The following LRP1B variants were observed in gnomAD, a reference collection of about 807,000 sequenced individuals.
LRP1B encodes the protein LDL receptor related protein 1B, also known as low-density lipoprotein receptor-related protein 1B.
LRP1B carries 217 observed loss-of-function variants against 556.6 expected under a neutral mutation model. The observed-to-expected ratio is 0.39, with a 90% CI of 0.35 to 0.44. LRP1B has a LOEUF of 0.44. Ranked by LOEUF, LRP1B falls within the 20% of genes least tolerant of loss-of-function variation. The pLI is 1.00. For synonymous variants in LRP1B, 2,047 were observed against 1,865.8 expected, an observed-to-expected ratio of 1.10 and a Z score of -2.50; for missense variants, 5,053 against 5,620.8, an observed-to-expected ratio of 0.90 and a Z score of 3.23.
chr2:141,108,658 G>A (rs1700672952), intron 7 of LRP1B, among the ~76,000 whole-genome samples: 1 of 151,952 alleles, frequency 6.6e-6, no homozygotes, highest in African/African-American at 2.4e-5. Flanking sequence ...CCAAAAATGT[G>A]TTTATAATCT....
At chr2:142,110,944 C>A (rs1706965647) in intron 1 of LRP1B, among the ~76,000 whole-genome samples, 2 of 152,224 alleles carry the variant, frequency 1.3e-5, no homozygotes, top group South Asian at 4.1e-4. Flanking sequence ...CAACTTTGGA[C>A]AAATGCAACC....
chr2:141,475,131 T>C (rs925905603), intron 3 of LRP1B, among the ~76,000 whole-genome samples: 3 of 152,052 alleles, frequency 2.0e-5, no homozygotes, highest in Non-Finnish European at 2.9e-5. Context: ...CCAAGCACTG[T>C]GGGAGGCAAC....
Position 140,501,774 on chromosome 2 carries a change from A to G in LRP1B, c.8763T>C (p.Asp2921=), listed in dbSNP as rs777774729. The change falls in exon 55 of 91, where the codon GAT becomes GAC. Residue 2921 remains aspartate, a synonymous_variant. Coordinates refer to ENST00000389484, the MANE Select transcript of LRP1B (RefSeq NM_018557.3). ...ATTCATTTATATGGCAGTTTCTCTC[A>G]TCTGAACCATCGCCACAGTCATCCT... ...DNKDDCGDGS[D]ERNCHINECL... is the part of the protein sequence containing the mutation. 1 of 1,613,036 alleles carries G rather than the reference A, an allele frequency of 6.2e-7. No individual in the cohort carries two copies. The highest frequency in any genetic ancestry group is 1.1e-5 in the South Asian group (1 of 90,998).
intron 31 of LRP1B, among the ~76,000 whole-genome samples, chr2:140,825,191 G>C (rs187158427): frequency 6.6e-6 from 1 of 152,250 alleles, no homozygotes; most frequent in East Asian, 1.9e-4. Context: ...ATAGGAGTGA[G>C]TGAACTAAAC....
At chr2:140,678,424 A>G (rs1419952608) in intron 41 of LRP1B, among the ~76,000 whole-genome samples, 3 of 152,132 alleles carry the variant, frequency 2.0e-5, no homozygotes, top group Admixed American at 1.3e-4. Context: ...TGTAGTTTTC[A>G]TTTCTTATCT....
At chr2:141,130,553 A>C (rs1432568734) in intron 7 of LRP1B, among the ~76,000 whole-genome samples, 1 of 152,082 alleles carries the variant, frequency 6.6e-6, no homozygotes. Flanking sequence ...AGATGTGTAA[A>C]TTTTACCCCA....
chr2:141,639,876 C>T (rs986493096), intron 2 of LRP1B, among the ~76,000 whole-genome samples: 6 of 152,092 alleles, frequency 3.9e-5, no homozygotes, highest in Admixed American at 2.6e-4. Context: ...TTACAAATGA[C>T]ATTGCTACAA....
chr2:141,421,186 G>A (rs1212525721), intron 3 of LRP1B, among the ~76,000 whole-genome samples: 6 of 152,152 alleles, frequency 3.9e-5, no homozygotes, highest in East Asian at 1.9e-4. Flanking sequence ...TGCTGATATC[G>A]CTTCTGGAGT....
At position 140,370,704 on chromosome 2, in the gene LRP1B, C is replaced by A. The variant is rs749286394; in HGVS notation, c.11008+6G>T. ...TTACAGGCACACACACACAAAAATA[C>A]CTTACCTCTTTCACAGTTCTCTTCA... On this transcript the variant is annotated splice_donor_region_variant and intron_variant, in intron 71 of 90. Transcript: ENST00000389484. 108 of 1,611,982 alleles carry A rather than the reference C, an allele frequency of 6.7e-5. 4 individuals are homozygous for A. The South Asian group carries it at 9.8e-4, about 15-fold the overall frequency.
intron 3 of LRP1B, among the ~76,000 whole-genome samples, chr2:141,354,513 A>G (rs1688555357): frequency 6.6e-6 from 1 of 152,098 alleles, no homozygotes; most frequent in Non-Finnish European, 1.5e-5. Context: ...TTAAAGCAAC[A>G]CATTCACAAA....
chr2:140,565,479 G>A (rs1681092952), intron 43 of LRP1B, among the ~76,000 whole-genome samples: 1 of 151,850 alleles, frequency 6.6e-6, no homozygotes, highest in South Asian at 2.1e-4. Flanking sequence ...CTCATTATAT[G>A]GGAAGTTTTA....
intron 1 of LRP1B, among the ~76,000 whole-genome samples, chr2:141,922,270 G>T (rs1027707236): frequency 6.6e-6 from 1 of 152,030 alleles, no homozygotes; most frequent in Admixed American, 6.6e-5. Flanking sequence ...CACAGAACTC[G>T]CCATGTAAGC....
chr2:140,600,970 A>G (rs1318195877), intron 42 of LRP1B, among the ~76,000 whole-genome samples: 2 of 151,548 alleles, frequency 1.3e-5, no homozygotes, highest in Non-Finnish European at 2.9e-5. Context: ...ACTATTATCA[A>G]GCACCTAGTG....
chr2:141,048,883 G>A, intron 11 of LRP1B, 103 bp downstream of exon 11: 1 of 857,284 alleles, frequency 1.2e-6, no homozygotes, highest in Non-Finnish European at 1.9e-6. Context: ...CCAACCAGAA[G>A]AACTTGAGTT....
intron 4 of LRP1B, among the ~76,000 whole-genome samples, chr2:141,254,073 T>C (rs1042784080): frequency 2.0e-5 from 3 of 152,004 alleles, no homozygotes; most frequent in African/African-American, 4.8e-5. Context: ...TAAATCAATA[T>C]TTATGTTCAT....
intron 41 of LRP1B, among the ~76,000 whole-genome samples, chr2:140,612,113 T>TA (rs1033555812): frequency 6.6e-6 from 1 of 152,070 alleles, no homozygotes; most frequent in African/African-American, 2.4e-5. Context: ...CCCAGCCCTG[T>TA]AAAAAGAGAC....
At position 141,677,610 on chromosome 2, in the gene LRP1B, C is replaced by A. The variant is rs993414589; in HGVS notation, c.205+132669G>T. Among the ~76,000 whole-genome samples the A allele has an allele frequency of 2.0e-5, 3 of 152,160 alleles. No individual in the cohort carries two copies. In the East Asian group the frequency reaches 5.8e-4, roughly 29 times the overall value. ...GTTCAAGCGATTCTCCTGCCTCAGC[C>A]TCCCTAGTAGCTGGGATTACAGGCA... On this transcript the variant is annotated intron_variant, in intron 2 of 90. Coordinates refer to ENST00000389484, the MANE Select transcript of LRP1B (RefSeq NM_018557.3).
chr2:141,336,766 T>C (rs1687862647), intron 3 of LRP1B, among the ~76,000 whole-genome samples: 1 of 152,198 alleles, frequency 6.6e-6, no homozygotes, highest in Non-Finnish European at 1.5e-5. Context: ...TCTTGCTCAC[T>C]ATAATTCTTT....
At chr2:141,853,694 A>T (rs1457358969) in intron 1 of LRP1B, among the ~76,000 whole-genome samples, 1 of 151,908 alleles carries the variant, frequency 6.6e-6, no homozygotes, top group Non-Finnish European at 1.5e-5. Flanking sequence ...AAATGAACTG[A>T]TAAAAAAAAT....
Sources: allele counts gnomAD v4.1 joint callset (sites outside exome capture counted in the v4.1 genomes callset), GRCh38; gene constraint gnomAD v4.1.1; transcripts MANE v1.5; gene names NCBI Gene and HGNC (gene_info 2026-07-23, HGNC 2026-07-21).